NRXN3: variants seen among roughly 807,000 people sequenced by gnomAD.
The protein encoded by NRXN3 is neurexin III.
Under a neutral mutation model 137.6 loss-of-function variants are expected in NRXN3, and 32 were observed. The observed-to-expected ratio is 0.23, with a 90% confidence interval of 0.18 to 0.31. NRXN3 has a LOEUF of 0.31. NRXN3 is among the 10% of genes least tolerant of loss of function. The pLI, the probability that NRXN3 is intolerant of heterozygous loss-of-function variation, is 1.00. For missense variants in NRXN3, 1,574 were observed against 2,062.5 expected, an observed-to-expected ratio of 0.76 and a Z score of 4.59; for synonymous variants, 798 against 784.5, an observed-to-expected ratio of 1.02 and a Z score of -0.29.
chr14:79,382,322 A>G (rs1184526209), intron 15 of NRXN3, among the ~76,000 whole-genome samples: 1 of 152,190 alleles, frequency 6.6e-6, no homozygotes, highest in East Asian at 1.9e-4. Context: ...ACCTTGCAAG[A>G]AAGCAATGCG....
intron 16 of NRXN3, among the ~76,000 whole-genome samples, chr14:79,596,047 G>GTT (rs199980682): frequency 5.7e-4 from 80 of 139,284 alleles, no homozygotes; most frequent in African/African-American, 1.8e-3. Flanking sequence ...CTTGGGATGG[G>GTT]TTTTTTTTTT....
intron 15 of NRXN3, among the ~76,000 whole-genome samples, chr14:79,142,362 G>A (rs1221409023): frequency 1.3e-5 from 2 of 151,848 alleles, no homozygotes; most frequent in Non-Finnish European, 2.9e-5. Context: ...GGAGGCAGAC[G>A]TTGCAGTGAG....
chr14:79,161,409 A>C (rs2060757751), intron 15 of NRXN3, among the ~76,000 whole-genome samples: 1 of 151,996 alleles, frequency 6.6e-6, no homozygotes, highest in Non-Finnish European at 1.5e-5. Context: ...TCTGAAGATA[A>C]GATACATTTG....
Position 78,867,792 on chromosome 14 carries a change from C to T in NRXN3, c.2275+57448C>T, listed in dbSNP as rs377616836. Among the ~76,000 whole-genome samples the T allele has an allele frequency of 3.3e-5, 5 of 152,118 alleles. No individual in the cohort carries two copies. The East Asian group carries it at 7.8e-4, about 24-fold the overall frequency. On this transcript the variant is annotated intron_variant, in intron 10 of 20. Coordinates refer to ENST00000335750, the MANE Select transcript of NRXN3 (RefSeq NM_001330195.2). Reference sequence around the variant, plus strand: ...TGTCCTCCAATTATACTTCCATGCACGACTGTCCACTCTTTATCAAACCTA... The same window carrying T: ...TGTCCTCCAATTATACTTCCATGCATGACTGTCCACTCTTTATCAAACCTA...
At position 79,727,704 on chromosome 14, in the gene NRXN3, T is replaced by A. The variant is rs146131539; in HGVS notation, c.4014+29767T>A. Among the ~76,000 whole-genome samples, 1,035 of 152,338 alleles carry A rather than the reference T, an allele frequency of 6.8e-3. 6 individuals are homozygous for A. The highest frequency in any genetic ancestry group is 0.012 in the Non-Finnish European group (791 of 68,030). ...TTTACTTTACTTCATCTACTGTGAA[T>A]GACCCTTATTTTTTTGTTGTTGCTT... On this transcript the variant is annotated intron_variant, in intron 19 of 20. Transcript: ENST00000335750.
chr14:78,882,259 G>A (rs1261925872), intron 10 of NRXN3, among the ~76,000 whole-genome samples: 5 of 151,728 alleles, frequency 3.3e-5, no homozygotes, highest in African/African-American at 9.8e-5. Context: ...GCCCCCACAC[G>A]GAGTCCCTAC....
chr14:78,649,429 C>A, intron 5 of NRXN3: 1 of 230,482 alleles, frequency 4.3e-6, no homozygotes. Flanking sequence ...GATTTTGTTA[C>A]ATTAAATGCA....
intron 2 of NRXN3, among the ~76,000 whole-genome samples, chr14:78,271,724 C>G (rs1055043174): frequency 1.3e-5 from 2 of 152,188 alleles, no homozygotes; most frequent in Non-Finnish European, 2.9e-5. Flanking sequence ...ATAGCTGCTA[C>G]TGATGCTCCA....
chr14:78,269,177 A>G (rs1448522792), intron 2 of NRXN3, among the ~76,000 whole-genome samples: 2 of 152,240 alleles, frequency 1.3e-5, no homozygotes, highest in African/African-American at 2.4e-5. Context: ...CACAGCTAGT[A>G]GGAAGCTGGA....
rs568927229 is a variant in NRXN3, at chr14:78,404,915, G to A, written c.757+107055G>A. Among the ~76,000 whole-genome samples the A allele has an allele frequency of 4.4e-3, 665 of 152,258 alleles. 1 individual carries two copies. Among genetic ancestry groups the A allele is most frequent in the Non-Finnish European group, 7.0e-3 (476 of 68,020 alleles). ...ACACAAACACAGGGTCTCTCTGCCTGCCTATCGTCTGTCTACTTTCATCTC... is the reference window on the plus strand; with the variant it reads ...ACACAAACACAGGGTCTCTCTGCCTACCTATCGTCTGTCTACTTTCATCTC... On this transcript the variant is annotated intron_variant, in intron 4 of 20. Transcript: ENST00000335750.
chr14:79,127,137 C>G (rs1211593071), intron 15 of NRXN3, among the ~76,000 whole-genome samples: 2 of 152,036 alleles, frequency 1.3e-5, no homozygotes, highest in Non-Finnish European at 2.9e-5. Flanking sequence ...CCCGTTCACT[C>G]TGATCGTAGT....
chr14:78,984,013 A>AT (rs75551781), intron 14 of NRXN3, among the ~76,000 whole-genome samples: 18,382 of 152,012 alleles, frequency 0.12, 1,527 homozygotes, highest in East Asian at 0.46. Context: ...AATCTAAGAA[A>AT]TTTGAACTCA....
intron 1 of NRXN3, among the ~76,000 whole-genome samples, chr14:78,186,856 C>T (rs2060273588): frequency 6.6e-6 from 1 of 152,060 alleles, no homozygotes; most frequent in Non-Finnish European, 1.5e-5. Flanking sequence ...TTGGGAGAGC[C>T]CTAGACTTGG....
intron 17 of NRXN3, among the ~76,000 whole-genome samples, chr14:79,668,958 T>G (rs1234751660): frequency 6.6e-6 from 1 of 152,056 alleles, no homozygotes; most frequent in Non-Finnish European, 1.5e-5. Flanking sequence ...TCTTCCTCAA[T>G]TATTGAGACT....
At chr14:78,419,979 ACACACAC>A (rs1332142707) in intron 4 of NRXN3, among the ~76,000 whole-genome samples, 7 of 39,874 alleles carry the variant, frequency 1.8e-4, no homozygotes, top group Non-Finnish European at 3.3e-4. Flanking sequence ...ACACACACAC[ACACACAC>A]GTAAAGTCCT....
Position 79,862,092 on chromosome 14 carries a change from T to C in NRXN3, c.*128T>C. The stretch of plus-strand genomic sequence containing the variant: ...ATGAAATGGGGTATATAACCACGAC[T>C]CTGGTGGGGAAAACCGTTTTTTAAA... On this transcript the variant is annotated 3_prime_UTR_variant, in exon 21 of 21. Coordinates refer to ENST00000335750, the MANE Select transcript of NRXN3 (RefSeq NM_001330195.2). The C allele has an allele frequency of 1.3e-6, 1 of 796,638 alleles. No individual in the cohort carries two copies. The highest frequency in any genetic ancestry group is 1.9e-5 in the South Asian group (1 of 53,982). 49.3% of individuals were successfully genotyped at this position (796,638 alleles called of 1,614,324 possible). A position where few individuals can be genotyped will look rare whatever the true frequency, so the allele number is the denominator to read the frequency against.
chr14:79,143,888 A>AT (rs1568418278), intron 15 of NRXN3, among the ~76,000 whole-genome samples: 2 of 152,088 alleles, frequency 1.3e-5, no homozygotes, highest in Admixed American at 6.6e-5. Context: ...GAGTAAGCAG[A>AT]TTTTTTTTAA....
intron 2 of NRXN3, among the ~76,000 whole-genome samples, chr14:78,265,665 G>A (rs1315492809): frequency 6.6e-6 from 1 of 152,098 alleles, no homozygotes; most frequent in African/African-American, 2.4e-5. Context: ...CCAGTCCAGG[G>A]TACCAGTACC....
intron 2 of NRXN3, among the ~76,000 whole-genome samples, chr14:78,266,693 T>C (rs759050837): frequency 2.6e-5 from 4 of 152,190 alleles, no homozygotes; most frequent in Admixed American, 6.5e-5. Flanking sequence ...GCCTTCAGAA[T>C]GGGACTGGTA....
Sources: gnomAD v4.1 joint callset for allele counts (sites outside exome capture counted in the v4.1 genomes callset) on GRCh38, gnomAD v4.1.1 for gene constraint, MANE v1.5 for transcripts, NCBI Gene and HGNC (gene_info 2026-07-23, HGNC 2026-07-21) for gene names.